Variants in NOL4 observed in about 807,000 individuals in gnomAD.
NOL4 encodes the protein cancer/testis antigen 125.
NOL4 carries 17 observed loss-of-function variants against 75.9 expected under a neutral mutation model. The observed-to-expected ratio is 0.22, with a 90% confidence interval of 0.15 to 0.34. NOL4 has a LOEUF of 0.34. NOL4 is among the 10% of genes least tolerant of loss of function. The probability of loss-of-function intolerance (pLI) is 1.00; values close to 1 mark genes in which losing one functional copy is unlikely to be tolerated. For missense variants in NOL4, 614 were observed against 793.5 expected (o/e 0.77, Z 2.72); for synonymous variants, 292 against 289.9 (o/e 1.01, Z -0.07).
chr18:33,936,737 G>A lies in NOL4; in HGVS notation c.1542+6328C>T, dbSNP rs568142490. On this transcript the variant is annotated intron_variant, in intron 9 of 10. Coordinates refer to ENST00000261592, the MANE Select transcript of NOL4 (RefSeq NM_003787.5). The stretch of plus-strand genomic sequence containing the variant: ...GAACTAATTTAACTGAAAGCACTAA[G>A]AGCAGAAAACATAACAAGGAAACCC... 6.3e-4 allele frequency among the ~76,000 whole-genome samples: 96 copies of A among 152,100 alleles called. 2 individuals are homozygous for A. The highest frequency in any genetic ancestry group is 7.4e-5 in the Non-Finnish European group (5 of 68,008).
At chr18:34,004,906 T>C (rs913059979) in intron 6 of NOL4, among the ~76,000 whole-genome samples, 4 of 152,062 alleles carry the variant, frequency 2.6e-5, no homozygotes, top group Non-Finnish European at 5.9e-5. Context: ...TTGTAGCAAG[T>C]TTAATGTCTC....
chr18:34,045,018 C>T (rs912194019), intron 5 of NOL4, among the ~76,000 whole-genome samples: 12 of 152,114 alleles, frequency 7.9e-5, no homozygotes, highest in African/African-American at 2.4e-4. Flanking sequence ...TTTTCTCTGT[C>T]CTTCTTATCA....
At chr18:33,917,896 C>A (rs2066819556) in intron 9 of NOL4, among the ~76,000 whole-genome samples, 1 of 152,144 alleles carries the variant, frequency 6.6e-6, no homozygotes, top group Non-Finnish European at 1.5e-5. Context: ...TGGGTTTTCT[C>A]ACTCCTGCCT....
At chr18:34,035,874 A>T (rs1188555727) in intron 5 of NOL4, among the ~76,000 whole-genome samples, 1 of 152,130 alleles carries the variant, frequency 6.6e-6, no homozygotes, top group African/African-American at 2.4e-5. Context: ...CAGAAACCTT[A>T]TAGGAAATGG....
intron 1 of NOL4, among the ~76,000 whole-genome samples, chr18:34,194,837 C>G (rs956302384): frequency 2.6e-5 from 4 of 151,822 alleles, no homozygotes; most frequent in Non-Finnish European, 4.4e-5. Flanking sequence ...CCAGTCTGAC[C>G]AACATGGATA....
At chr18:34,047,868 T>A (rs2076454119) in intron 5 of NOL4, among the ~76,000 whole-genome samples, 1 of 152,132 alleles carries the variant, frequency 6.6e-6, no homozygotes, top group East Asian at 1.9e-4. Flanking sequence ...GCACATGCCT[T>A]ATGCTGAAAA....
chr18:34,098,733 T>C (rs941524315), intron 4 of NOL4, among the ~76,000 whole-genome samples: 6 of 152,132 alleles, frequency 3.9e-5, no homozygotes, highest in Non-Finnish European at 7.4e-5. Flanking sequence ...TTAATACTAA[T>C]TTTAAGTGGA....
At chr18:33,941,382 T>C (rs1158400847) in intron 9 of NOL4, among the ~76,000 whole-genome samples, 1 of 151,968 alleles carries the variant, frequency 6.6e-6, no homozygotes, top group African/African-American at 2.4e-5. Context: ...AGGTGGGATG[T>C]ATAGCTAGAC....
At chr18:34,179,032 C>T (rs1019237312) in intron 1 of NOL4, among the ~76,000 whole-genome samples, 71 of 151,564 alleles carry the variant, frequency 4.7e-4, no homozygotes, top group African/African-American at 1.6e-3. Context: ...ACATCAACAA[C>T]ATAAATCAAT....
intron 6 of NOL4, among the ~76,000 whole-genome samples, chr18:33,962,838 A>T (rs891180398): frequency 1.3e-5 from 2 of 152,200 alleles, no homozygotes; most frequent in Non-Finnish European, 2.9e-5. Context: ...CATTCAATGC[A>T]GCTGTTTGAT....
intron 5 of NOL4, among the ~76,000 whole-genome samples, chr18:34,076,976 G>A (rs2077772898): frequency 6.6e-6 from 1 of 152,116 alleles, no homozygotes; most frequent in African/African-American, 2.4e-5. Context: ...AAGTTAGCAT[G>A]AAAATATCTA....
At chr18:33,914,147 G>T (rs1568053835) in intron 9 of NOL4, among the ~76,000 whole-genome samples, 1 of 151,978 alleles carries the variant, frequency 6.6e-6, no homozygotes, top group Non-Finnish European at 1.5e-5. Flanking sequence ...AAAATTTGAG[G>T]GATAATGCTT....
chr18:33,944,219 G>C (rs984005331), intron 8 of NOL4, among the ~76,000 whole-genome samples: 1 of 151,810 alleles, frequency 6.6e-6, no homozygotes, highest in African/African-American at 2.4e-5. Context: ...TTTATTAGAA[G>C]CCTGAACTAA....
At chr18:34,121,578 A>G (rs150771565) in intron 2 of NOL4, among the ~76,000 whole-genome samples, 3 of 152,354 alleles carry the variant, frequency 2.0e-5, no homozygotes, top group East Asian at 3.9e-4. Context: ...TAGGGACTCC[A>G]GTAATTTGCA....
chr18:34,183,010 AGT>A (rs1255843176), intron 1 of NOL4, among the ~76,000 whole-genome samples: 2 of 151,766 alleles, frequency 1.3e-5, no homozygotes, highest in Non-Finnish European at 3.0e-5. Flanking sequence ...AGCATCCTTC[AGT>A]GTGACACAAA....
chr18:33,968,608 T>C (rs2070795139), intron 6 of NOL4, among the ~76,000 whole-genome samples: 2 of 152,136 alleles, frequency 1.3e-5, no homozygotes, highest in Admixed American at 6.6e-5. Flanking sequence ...ACAACAAACT[T>C]TGAAGACTAC....
chr18:33,993,038 G>T (rs1244443886), intron 6 of NOL4, among the ~76,000 whole-genome samples: 1 of 151,944 alleles, frequency 6.6e-6, no homozygotes, highest in African/African-American at 2.4e-5. Flanking sequence ...TGAAAATATA[G>T]ACTAAACTGT....
chr18:33,944,310 T>C (rs1470660613), intron 8 of NOL4, among the ~76,000 whole-genome samples: 3 of 151,930 alleles, frequency 2.0e-5, no homozygotes. Context: ...CTCTGGCATG[T>C]AGAGTGTGTC....
intron 6 of NOL4, among the ~76,000 whole-genome samples, chr18:33,992,791 G>C (rs746316929): frequency 3.3e-5 from 5 of 151,994 alleles, no homozygotes; most frequent in Non-Finnish European, 5.9e-5. Flanking sequence ...ACCTACACTA[G>C]AGCTCAGTTC....
Sources: allele counts gnomAD v4.1 joint callset (sites outside exome capture counted in the v4.1 genomes callset), GRCh38; gene constraint gnomAD v4.1.1; transcripts MANE v1.5; gene names NCBI Gene and HGNC (gene_info 2026-07-23, HGNC 2026-07-21).